ST13: variants seen among roughly 807,000 people sequenced by gnomAD.
ST13 encodes ST13 Hsp70 interacting protein.
A neutral mutation model predicts 56.7 loss-of-function variants in ST13; 23 were observed. The ratio of observed to expected loss-of-function variants is 0.41; its 90% CI spans 0.29 to 0.57. The LOEUF (loss-of-function observed/expected upper bound fraction) is 0.57. ST13 is among the 20% of genes least tolerant of loss of function. ST13 has a pLI of 0.36. For synonymous variants in ST13, 132 were observed against 142.4 expected (o/e 0.93, Z 0.52); for missense variants, 369 against 459.9 (o/e 0.80, Z 1.81).
chr22:40,830,770 T>C (rs2057750196), intron 9 of ST13, 70 bp downstream of exon 9: 2 of 915,200 alleles, frequency 2.2e-6, no homozygotes, highest in Admixed American at 4.7e-5. Context: ...GGAATTAAAA[T>C]TTTAGTGTCC....
At chr22:40,853,562 G>T (rs917134822) in intron 1 of ST13, among the ~76,000 whole-genome samples, 2 of 152,094 alleles carry the variant, frequency 1.3e-5, no homozygotes, top group African/African-American at 4.8e-5. Flanking sequence ...AATCAAGTAG[G>T]ACCAGTGTAG....
At chr22:40,829,597 A>G (rs1200518984) in intron 10 of ST13, 29 bp downstream of exon 10, 4 of 1,297,172 alleles carry the variant, frequency 3.1e-6, no homozygotes, top group Non-Finnish European at 4.1e-6. Flanking sequence ...TAATAGAACA[A>G]AACAGTTTTA....
At position 40,840,661 on chromosome 22, in the gene ST13, T is replaced by A. The variant is rs1034313085; in HGVS notation, c.347A>T (p.Asp116Val). Residue 116 changes from aspartate to valine, a missense_variant, in exon 5 of 12, where the codon GAT (aspartate) becomes GTT (valine). Around this residue, in one of 3 missense-constraint regions of ST13, gnomAD observed 169 missense variants for 175.6 expected, o/e 0.96. Coordinates refer to ENST00000216218, the MANE Select transcript of ST13 (RefSeq NM_003932.5). Reference protein sequence around the residue: ...ITEEMMDQANDKKVAAIEALN... With the variant: ...ITEEMMDQANVKKVAAIEALN... ...GGCTTCAATAGCAGCCACTTTTTTA[T>A]CATTTGCCTGATCCATCATCTCCTC... 5.0e-6 allele frequency: 8 copies of A among 1,611,046 alleles called. No individual in the cohort carries two copies. The highest frequency in any genetic ancestry group is 6.8e-6 in the Non-Finnish European group (8 of 1,179,476).
chr22:40,845,149 T>C (rs1173637663), intron 3 of ST13, among the ~76,000 whole-genome samples: 1 of 152,168 alleles, frequency 6.6e-6, no homozygotes, highest in Non-Finnish European at 1.5e-5. Flanking sequence ...ACATGTGCAG[T>C]TTCTAGTATT....
chr22:40,846,940 A>G (rs1296023863), intron 3 of ST13, among the ~76,000 whole-genome samples: 1 of 152,114 alleles, frequency 6.6e-6, no homozygotes, highest in Non-Finnish European at 1.5e-5. Flanking sequence ...GGTTGCAGTG[A>G]GCCGAAACTG....
intron 5 of ST13, among the ~76,000 whole-genome samples, chr22:40,837,801 C>T (rs185993841): frequency 3.9e-4 from 59 of 152,292 alleles, no homozygotes; most frequent in Admixed American, 3.5e-3. Flanking sequence ...CAGAAACGTG[C>T]TACCACATCC....
chr22:40,839,701 G>A (rs962978322), intron 5 of ST13, among the ~76,000 whole-genome samples: 5 of 151,784 alleles, frequency 3.3e-5, no homozygotes, highest in African/African-American at 9.7e-5. Flanking sequence ...GGTGGAGGTT[G>A]CAGAGAGCCG....
rs752836306 is a variant in ST13 at position 40,856,517 on chromosome 22, C to G, written c.24G>C (p.Glu8Asp). ...TACACATTTTCACAAAGGCCCGAAG[C>G]TCGTTCACTTTGCGGGGGTCCATGG... MDPRKVN[E>D]LRAFVKMCKQ... Residue 8 changes from glutamate to aspartate, a missense_variant, in exon 1 of 12, where the codon GAG becomes GAC. Glu to Asp is a conservative substitution (Grantham distance 45). Coordinates refer to ENST00000216218, the MANE Select transcript of ST13 (RefSeq NM_003932.5). 2 of 1,612,784 alleles carry G rather than the reference C, an allele frequency of 1.2e-6. No individual in the cohort carries two copies. The highest frequency in any genetic ancestry group is 2.7e-5 in the African/African-American group (2 of 74,870).
At chr22:40,851,268 G>A (rs1319763356) in intron 1 of ST13, among the ~76,000 whole-genome samples, 1 of 152,150 alleles carries the variant, frequency 6.6e-6, no homozygotes, top group Non-Finnish European at 1.5e-5. Flanking sequence ...CTTGAAATAA[G>A]AGTTCAATTA....
intron 3 of ST13, among the ~76,000 whole-genome samples, chr22:40,846,460 T>C (rs986027440): frequency 6.6e-6 from 1 of 152,178 alleles, no homozygotes; most frequent in Non-Finnish European, 1.5e-5. Flanking sequence ...TTATGCCCTT[T>C]AACACGGTAA....
chr22:40,850,676 T>C (rs966164490), intron 2 of ST13, 147 bp downstream of exon 2: 1 of 620,158 alleles, frequency 1.6e-6, no homozygotes, highest in Admixed American at 3.5e-5. Flanking sequence ...TACAAAGTTA[T>C]AAAGATAAAG....
Position 40,825,327 on chromosome 22 carries a change from C to G in ST13, c.*1211G>C, listed in dbSNP as rs951977084. 2 of 152,152 alleles carry G rather than the reference C, an allele frequency of 1.3e-5. No individual in the cohort carries two copies. The highest frequency in any genetic ancestry group is 2.4e-5 in the African/African-American group (1 of 41,426). 9.4% of individuals were successfully genotyped at this position (152,152 alleles called of 1,614,324 possible). On this transcript the variant is annotated 3_prime_UTR_variant, in exon 12 of 12. Transcript: ENST00000216218. ...TTGGATAAAAAAAATCGGTTCCCCT[C>G]TGTGTGTATCAATTTAATTCAAACC...
intron 1 of ST13, among the ~76,000 whole-genome samples, chr22:40,854,754 G>A (rs529821653): frequency 2.6e-5 from 4 of 152,102 alleles, no homozygotes; most frequent in Non-Finnish European, 4.4e-5. Context: ...TGGAATTTTA[G>A]AAAGAATTTA....
chr22:40,849,926 G>C (rs1299298386), intron 2 of ST13, among the ~76,000 whole-genome samples: 1 of 106,286 alleles, frequency 9.4e-6, no homozygotes, highest in East Asian at 2.6e-4. Flanking sequence ...AAAAAAAAAA[G>C]CCTTTTAGAT....
At chr22:40,845,498 C>T (rs540972115) in intron 3 of ST13, among the ~76,000 whole-genome samples, 1 of 152,140 alleles carries the variant, frequency 6.6e-6, no homozygotes, top group South Asian at 2.1e-4. Flanking sequence ...GTAGCATGGA[C>T]AAGTTTTAAT....
chr22:40,839,487 G>A (rs1303328368), intron 5 of ST13, among the ~76,000 whole-genome samples: 4 of 152,274 alleles, frequency 2.6e-5, no homozygotes, highest in East Asian at 1.9e-4. Context: ...ACCATGGGCC[G>A]GGCGCAGTGG....
At chr22:40,838,843 C>T (rs989270578) in intron 5 of ST13, among the ~76,000 whole-genome samples, 6 of 150,590 alleles carry the variant, frequency 4.0e-5, no homozygotes, top group Non-Finnish European at 8.8e-5. Flanking sequence ...CTGGGAACAA[C>T]TGATAGGTAT....
At chr22:40,841,073 C>A (rs2057802153) in intron 4 of ST13, among the ~76,000 whole-genome samples, 1 of 151,856 alleles carries the variant, frequency 6.6e-6, no homozygotes, top group Admixed American at 6.6e-5. Context: ...TTCCCACAAA[C>A]AACTATTGAG....
Position 40,835,570 on chromosome 22 carries a change from T to TC in ST13, c.567dup (p.Lys190GlufsTer15). The TC allele has an allele frequency of 1.9e-6, 3 of 1,610,664 alleles. No individual in the cohort carries two copies. Among genetic ancestry groups the TC allele is most frequent in the Non-Finnish European group, 2.5e-6 (3 of 1,178,424 alleles). Reference sequence around the variant, plus strand: ...AATTCAATTATTTACCTGTGTGCTTTCCCCCGCCACTTGTAAGGCTGAGCT... The same window carrying TC: ...AATTCAATTATTTACCTGTGTGCTTTCCCCCCGCCACTTGTAAGGCTGAGCT... On this transcript the variant is annotated frameshift_variant, in exon 7 of 12. Coordinates refer to ENST00000216218, the MANE Select transcript of ST13 (RefSeq NM_003932.5). LOFTEE classifies it high-confidence loss of function.
Sources: gnomAD v4.1 joint callset for allele counts (sites outside exome capture counted in the v4.1 genomes callset) on GRCh38, gnomAD v4.1.1 for gene constraint, gnomAD v4.1.1 regional missense constraint, MANE v1.5 for transcripts, NCBI Gene and HGNC (gene_info 2026-07-23, HGNC 2026-07-21) for gene names.